Variants in DLG2 observed in about 807,000 individuals in gnomAD.
DLG2 encodes discs large MAGUK scaffold protein 2.
In DLG2, 45 loss-of-function variants were observed where a neutral mutation model predicts 132.5. The ratio of observed to expected loss-of-function variants is 0.34; its 90% CI spans 0.27 to 0.44. The LOEUF is 0.44. Ranked by LOEUF, DLG2 falls within the 20% of genes least tolerant of loss-of-function variation. The pLI is 1.00. For synonymous variants in DLG2, 424 were observed against 419.6 expected, an observed-to-expected ratio of 1.01 and a Z score of -0.13; for missense variants, 1,045 against 1,196.9, an observed-to-expected ratio of 0.87 and a Z score of 1.87.
chr11:85,255,542 TC>T (rs1444730908), intron 4 of DLG2, among the ~76,000 whole-genome samples: 1 of 152,214 alleles, frequency 6.6e-6, no homozygotes, highest in Non-Finnish European at 1.5e-5. Context: ...TAGAGGCACT[TC>T]AATTCTGCCA....
chr11:85,050,319 A>G (rs2062776023), intron 6 of DLG2, among the ~76,000 whole-genome samples: 2 of 152,164 alleles, frequency 1.3e-5, no homozygotes, highest in Non-Finnish European at 2.9e-5. Flanking sequence ...CACATAGAAG[A>G]AAATATAAAA....
At chr11:83,782,480 T>C (rs1461720959) in intron 18 of DLG2, among the ~76,000 whole-genome samples, 1 of 152,178 alleles carries the variant, frequency 6.6e-6, no homozygotes, top group Non-Finnish European at 1.5e-5. Flanking sequence ...GGTGTTTACA[T>C]ACAGTTTTGG....
chr11:84,288,233 C>T (rs1223840390), intron 7 of DLG2, among the ~76,000 whole-genome samples: 1 of 151,508 alleles, frequency 6.6e-6, no homozygotes, highest in Non-Finnish European at 1.5e-5. Context: ...TATTAATCTC[C>T]TAGGATTATT....
chr11:84,472,850 C>T (rs1001977824), intron 7 of DLG2, among the ~76,000 whole-genome samples: 2 of 151,844 alleles, frequency 1.3e-5, no homozygotes, highest in African/African-American at 2.4e-5. Context: ...CTTGCTAATT[C>T]GAGAGATTAT....
intron 18 of DLG2, among the ~76,000 whole-genome samples, chr11:83,762,519 G>A (rs1311697755): frequency 6.6e-6 from 1 of 152,082 alleles, no homozygotes; most frequent in Non-Finnish European, 1.5e-5. Context: ...CCATGAGTTT[G>A]GGAATTGTAG....
intron 8 of DLG2, among the ~76,000 whole-genome samples, chr11:84,226,009 C>T (rs2096987302): frequency 6.6e-6 from 1 of 152,178 alleles, no homozygotes; most frequent in Admixed American, 6.5e-5. Flanking sequence ...CGGAGTTTCC[C>T]CATGTTGGCC....
chr11:84,935,352 T>C (rs2048617475), intron 6 of DLG2, among the ~76,000 whole-genome samples: 1 of 152,188 alleles, frequency 6.6e-6, no homozygotes, highest in Non-Finnish European at 1.5e-5. Flanking sequence ...CTCACAAGTT[T>C]GCTAGCTTCT....
chr11:85,403,347 G>T (rs1237675834), intron 3 of DLG2, among the ~76,000 whole-genome samples: 1 of 152,058 alleles, frequency 6.6e-6, no homozygotes, highest in Non-Finnish European at 1.5e-5. Context: ...GTCAGTTGGT[G>T]GGGGCTGGGG....
chr11:84,934,525 G>GTT (rs757894179), intron 6 of DLG2, among the ~76,000 whole-genome samples: 19 of 38,648 alleles, frequency 4.9e-4, no homozygotes, highest in South Asian at 9.0e-4. Flanking sequence ...GTTTTGTTTT[G>GTT]TTTTTTTTTT....
At chr11:84,831,901 A>C (rs1480192108) in intron 6 of DLG2, among the ~76,000 whole-genome samples, 3 of 151,698 alleles carry the variant, frequency 2.0e-5, no homozygotes, top group Non-Finnish European at 4.4e-5. Flanking sequence ...GAGGGCTTGC[A>C]ACTCACTTCA....
intron 6 of DLG2, among the ~76,000 whole-genome samples, chr11:84,668,058 G>C (rs1187211759): frequency 1.3e-5 from 2 of 152,132 alleles, no homozygotes; most frequent in Admixed American, 6.6e-5. Context: ...TGCTATATGA[G>C]AGTATAAAAG....
intron 8 of DLG2, among the ~76,000 whole-genome samples, chr11:84,180,964 T>A (rs915207233): frequency 2.6e-5 from 4 of 151,680 alleles, no homozygotes; most frequent in Non-Finnish European, 5.9e-5. Context: ...GAAACATTGA[T>A]CTACATAAAG....
chr11:84,136,677 G>A (rs143099606), intron 9 of DLG2, among the ~76,000 whole-genome samples: 11 of 152,234 alleles, frequency 7.2e-5, no homozygotes, highest in Non-Finnish European at 1.6e-4. Flanking sequence ...CGTAAACAGT[G>A]GGTCAGAAAC....
chr11:83,633,783 A>C lies in DLG2; in HGVS notation c.1826-458T>G, dbSNP rs935329270. On this transcript the variant is annotated intron_variant, in intron 18 of 27. Transcript: ENST00000376104. ...ACACACACACACACACACACACACA[A>C]CTGCGGAAAATCTGAATAATATCGA... is the stretch of plus-strand genomic sequence containing the variant. 5.9e-5 allele frequency among the ~76,000 whole-genome samples: 6 copies of C among 102,086 alleles called. No homozygotes were observed. In the East Asian group the frequency reaches 9.0e-4, roughly 15 times the overall value. 67.0% of individuals were successfully genotyped at this position (102,086 alleles called of 152,430 possible). A position where few individuals can be genotyped will look rare whatever the true frequency, so the allele number is the denominator to read the frequency against.
At chr11:85,021,167 A>G in intron 6 of DLG2, 2 of 916,294 alleles carry the variant, frequency 2.2e-6, no homozygotes, top group East Asian at 4.8e-5. Context: ...CCATTCTTAG[A>G]ATTGAAGCCA....
At chr11:85,399,849 A>C (rs2087861016) in intron 3 of DLG2, among the ~76,000 whole-genome samples, 2 of 152,166 alleles carry the variant, frequency 1.3e-5, no homozygotes, top group South Asian at 2.1e-4. Flanking sequence ...CCTAGGCATT[A>C]CCATTCAGGA....
intron 3 of DLG2, among the ~76,000 whole-genome samples, chr11:85,397,432 T>C (rs574307480): frequency 6.6e-6 from 1 of 152,338 alleles, no homozygotes; most frequent in East Asian, 1.9e-4. Flanking sequence ...ATAATAATAT[T>C]AACCTTAAAT....
intron 18 of DLG2, among the ~76,000 whole-genome samples, chr11:83,729,759 G>T (rs2090655821): frequency 6.6e-6 from 1 of 152,162 alleles, no homozygotes; most frequent in Non-Finnish European, 1.5e-5. Flanking sequence ...GGGCAAAGTT[G>T]AATTGGCAGT....
intron 18 of DLG2, among the ~76,000 whole-genome samples, chr11:83,786,060 G>A (rs578045766): frequency 6.6e-6 from 1 of 152,230 alleles, no homozygotes; most frequent in South Asian, 2.1e-4. Flanking sequence ...TTGTCTCATT[G>A]AGCCTCATTT....
Sources: allele counts gnomAD v4.1 joint callset (sites outside exome capture counted in the v4.1 genomes callset), GRCh38; gene constraint gnomAD v4.1.1; transcripts MANE v1.5; gene names NCBI Gene and HGNC (gene_info 2026-07-23, HGNC 2026-07-21).